Variants in NDST4 observed in about 807,000 individuals in gnomAD.
The protein encoded by NDST4 is N-deacetylase and N-sulfotransferase 4.
In NDST4, 63 loss-of-function variants were observed where a neutral mutation model predicts 100.8. The observed-to-expected ratio is 0.62, with a 90% confidence interval of 0.51 to 0.77. The LOEUF (loss-of-function observed/expected upper bound fraction) is 0.77. Among genes scored for constraint, NDST4 ranks in the 30% least tolerant of loss-of-function variants. The pLI is 0.00. For missense variants in NDST4, 943 were observed against 1,018.4 expected, an observed-to-expected ratio of 0.93 and a Z score of 1.01; for synonymous variants, 377 against 361.8, an observed-to-expected ratio of 1.04 and a Z score of -0.48.
At chr4:114,997,049 A>G (rs1310780830) in intron 2 of NDST4, among the ~76,000 whole-genome samples, 1 of 152,066 alleles carries the variant, frequency 6.6e-6, no homozygotes, top group African/African-American at 2.4e-5. Flanking sequence ...TGTCTCTACC[A>G]TGGACAAAGT....
At chr4:114,882,592 A>T (rs1578363442) in intron 6 of NDST4, among the ~76,000 whole-genome samples, 1 of 152,114 alleles carries the variant, frequency 6.6e-6, no homozygotes, top group African/African-American at 2.4e-5. Context: ...GAGAAAAAAA[A>T]TAATGAGGAA....
intron 4 of NDST4, among the ~76,000 whole-genome samples, chr4:114,962,225 C>T (rs999109621): frequency 3.3e-5 from 5 of 152,106 alleles, no homozygotes; most frequent in African/African-American, 4.8e-5. Context: ...AGACTGCATA[C>T]TTTCCCCTTA....
chr4:114,860,258 T>A (rs984243470), intron 7 of NDST4, among the ~76,000 whole-genome samples: 8 of 152,212 alleles, frequency 5.3e-5, no homozygotes, highest in Non-Finnish European at 1.2e-4. Context: ...TTATTTAGTA[T>A]TCCATCTCAT....
intron 6 of NDST4, among the ~76,000 whole-genome samples, chr4:114,882,878 C>G (rs1029487185): frequency 6.6e-6 from 1 of 151,768 alleles, no homozygotes; most frequent in Non-Finnish European, 1.5e-5. Context: ...TATTGACACA[C>G]AAGGATAAGA....
intron 2 of NDST4, among the ~76,000 whole-genome samples, chr4:115,031,559 T>C (rs1728116739): frequency 6.6e-6 from 1 of 152,050 alleles, no homozygotes; most frequent in Non-Finnish European, 1.5e-5. Context: ...CAGGGAACTC[T>C]GTTCAAGTTC....
intron 6 of NDST4, among the ~76,000 whole-genome samples, chr4:114,883,549 T>C (rs1724416946): frequency 6.6e-6 from 1 of 151,940 alleles, no homozygotes; most frequent in Non-Finnish European, 1.5e-5. Flanking sequence ...AGAGAGCAAA[T>C]GCAAAAAGTA....
intron 6 of NDST4, among the ~76,000 whole-genome samples, chr4:114,900,841 T>G (rs1724821374): frequency 6.6e-6 from 1 of 152,096 alleles, no homozygotes; most frequent in South Asian, 2.1e-4. Flanking sequence ...ACAAGCTGTG[T>G]TCTCATTTTC....
intron 2 of NDST4, among the ~76,000 whole-genome samples, chr4:115,037,466 CTT>C (rs1325029381): frequency 6.6e-6 from 1 of 152,198 alleles, no homozygotes; most frequent in South Asian, 2.1e-4. Context: ...AATTTTATCT[CTT>C]GACATTTCTG....
intron 1 of NDST4, among the ~76,000 whole-genome samples, chr4:115,105,891 C>CT (rs1302352543): frequency 1.3e-5 from 2 of 152,058 alleles, no homozygotes; most frequent in Non-Finnish European, 2.9e-5. Context: ...TCCCTTTTAG[C>CT]TTTTTTCCTT....
At position 114,991,296 on chromosome 4, in the gene NDST4, C is replaced by A. The variant is rs186962277; in HGVS notation, c.979-14022G>T. On this transcript the variant is annotated intron_variant, in intron 2 of 13. Transcript: ENST00000264363. Reference sequence around the variant, plus strand: ...AAGTCAGCCAAAGTAATTAAAGAGGCTTTACTCCTAACCAAAAGGGCCTTG... The same window carrying A: ...AAGTCAGCCAAAGTAATTAAAGAGGATTTACTCCTAACCAAAAGGGCCTTG... Among the ~76,000 whole-genome samples, 4 of 152,148 alleles carry A rather than the reference C, an allele frequency of 2.6e-5. No homozygotes were observed. In the East Asian group the frequency reaches 7.7e-4, roughly 29 times the overall value.
chr4:114,867,726 T>G (rs1435359008), intron 7 of NDST4, among the ~76,000 whole-genome samples: 4 of 148,518 alleles, frequency 2.7e-5, no homozygotes, highest in Non-Finnish European at 5.9e-5. Context: ...TAGTGATTAT[T>G]CTACCAAAAT....
chr4:114,918,735 T>A (rs1725229968), intron 6 of NDST4, among the ~76,000 whole-genome samples: 1 of 152,074 alleles, frequency 6.6e-6, no homozygotes, highest in African/African-American at 2.4e-5. Context: ...AGAGATCAAC[T>A]ATTTTGACCA....
chr4:115,067,629 T>G (rs1450418752), intron 2 of NDST4, among the ~76,000 whole-genome samples: 2 of 152,014 alleles, frequency 1.3e-5, no homozygotes, highest in African/African-American at 4.8e-5. Context: ...TCCTGTTTAA[T>G]GATATGATAA....
At chr4:114,836,243 T>C (rs1400123302) in intron 11 of NDST4, among the ~76,000 whole-genome samples, 1 of 152,198 alleles carries the variant, frequency 6.6e-6, no homozygotes, top group African/African-American at 2.4e-5. Context: ...TTTGCAGGGT[T>C]GATGCAGGTT....
At chr4:114,853,441 A>T (rs974071441) in intron 7 of NDST4, among the ~76,000 whole-genome samples, 1 of 152,278 alleles carries the variant, frequency 6.6e-6, no homozygotes, top group South Asian at 2.1e-4. Flanking sequence ...CAATGTATCC[A>T]TTGGTCCAAT....
intron 2 of NDST4, among the ~76,000 whole-genome samples, chr4:114,987,106 C>T (rs1445982051): frequency 6.6e-6 from 1 of 151,856 alleles, no homozygotes; most frequent in Admixed American, 6.6e-5. Context: ...ATCTTTTAGT[C>T]ATTTTAACCT....
chr4:115,102,010 G>A (rs1441277723), intron 1 of NDST4, among the ~76,000 whole-genome samples: 1 of 152,062 alleles, frequency 6.6e-6, no homozygotes, highest in East Asian at 1.9e-4. Flanking sequence ...ACAAGTCAGG[G>A]GAGTGACATG....
intron 2 of NDST4, among the ~76,000 whole-genome samples, chr4:115,069,311 C>T (rs481667): frequency 0.24 from 36,850 of 151,984 alleles, 6,007 homozygotes; most frequent in East Asian, 0.46. Context: ...CAAACTTGAG[C>T]TGGCTCACAA....
chr4:115,102,704 CTTTTTTT>C (rs751431042), intron 1 of NDST4, among the ~76,000 whole-genome samples: 2 of 90,578 alleles, frequency 2.2e-5, no homozygotes, highest in African/African-American at 9.6e-5. Context: ...TTCTGACTTC[CTTTTTTT>C]TTTTTTTTTT....
Sources: gnomAD v4.1 joint callset for allele counts (sites outside exome capture counted in the v4.1 genomes callset) on GRCh38, gnomAD v4.1.1 for gene constraint, MANE v1.5 for transcripts, NCBI Gene and HGNC (gene_info 2026-07-23, HGNC 2026-07-21) for gene names.